MRPS27: variants seen among roughly 807,000 people sequenced by gnomAD.
MRPS27 encodes mitochondrial ribosomal protein S27, also known as small ribosomal subunit protein mS27.
Under a neutral mutation model 48.9 loss-of-function variants are expected in MRPS27, and 43 were observed. The ratio of observed to expected loss-of-function variants is 0.88; its 90% CI spans 0.69 to 1.13. The LOEUF (loss-of-function observed/expected upper bound fraction) is 1.13, where lower values mean the gene tolerates loss of function less well. Among genes scored for constraint, MRPS27 ranks in the 50% most tolerant of loss-of-function variants. The pLI, the probability that MRPS27 is intolerant of heterozygous loss-of-function variation, is 0.00. For missense variants in MRPS27, 467 were observed against 476.3 expected, an observed-to-expected ratio of 0.98 and a Z score of 0.18; for synonymous variants, 188 against 171.9, an observed-to-expected ratio of 1.09 and a Z score of -0.73.
chr5:72,302,359 T>C (rs1157233202), intron 2 of MRPS27, among the ~76,000 whole-genome samples: 1 of 152,146 alleles, frequency 6.6e-6, no homozygotes, highest in Non-Finnish European at 1.5e-5. Flanking sequence ...TCTAATTCCC[T>C]GGGTTTGAGG....
chr5:72,302,376 G>C (rs1489405654), intron 2 of MRPS27, among the ~76,000 whole-genome samples: 2 of 152,142 alleles, frequency 1.3e-5, no homozygotes, highest in South Asian at 4.1e-4. Flanking sequence ...GAGGTAGCAC[G>C]AGAGACTTAA....
intron 4 of MRPS27, among the ~76,000 whole-genome samples, chr5:72,289,951 T>C (rs767163593): frequency 6.6e-6 from 1 of 152,166 alleles, no homozygotes; most frequent in African/African-American, 2.4e-5. Flanking sequence ...ATATCCTCAG[T>C]GAAGATGAGG....
intron 4 of MRPS27, among the ~76,000 whole-genome samples, chr5:72,293,688 T>G (rs533771031): frequency 6.6e-6 from 1 of 152,340 alleles, no homozygotes; most frequent in Non-Finnish European, 1.5e-5. Flanking sequence ...TAAATACTTG[T>G]TGAAATGCTG....
rs140219335 is a variant in MRPS27, at chr5:72,294,294, A to G, written c.281+1237T>C. ...TAAAAAATGCATCTAGAAAAAAACT[A>G]CTCCCCAAAAAACCCCCCAAAACAA... On this transcript the variant is annotated intron_variant, in intron 4 of 10. Transcript: ENST00000261413. Among the ~76,000 whole-genome samples the G allele has an allele frequency of 6.9e-3, 1,044 of 152,124 alleles. 11 individuals are homozygous for G. Among genetic ancestry groups the G allele is most frequent in the African/African-American group, 0.024 (1,001 of 41,500 alleles).
In MRPS27 at chr5:72,320,202, C is replaced by T. The variant is rs375528800; in HGVS notation, c.20G>A (p.Arg7Gln). The change falls in exon 1 of 11, where the codon CGG (arginine) becomes CAG (glutamine). Residue 7 changes from arginine to glutamine, a missense_variant. Physicochemically the swap from Arg to Gln is conservative, Grantham distance 43. Coordinates refer to ENST00000261413, the MANE Select transcript of MRPS27 (RefSeq NM_015084.3). ...TTGCCGCGCCAGGAGCATCCCGCGCCGCACTATGGAGGCAGCCATCTTGGA... is the reference window on the plus strand; with the variant it reads ...TTGCCGCGCCAGGAGCATCCCGCGCTGCACTATGGAGGCAGCCATCTTGGA... MAASIV[R>Q]RGMLLARQVV... 1.2e-6 allele frequency: 2 copies of T among 1,613,788 alleles called. No individual in the cohort carries two copies. Among genetic ancestry groups the T allele is most frequent in the African/African-American group, 1.3e-5 (1 of 74,888 alleles).
intron 4 of MRPS27, chr5:72,241,732 T>C (rs1396773038): frequency 6.6e-7 from 1 of 1,526,036 alleles, no homozygotes; most frequent in South Asian, 1.2e-5. Flanking sequence ...ACTAACACAT[T>C]GATTTTCCAA....
chr5:72,271,663 G>T (rs1453417543), intron 4 of MRPS27, among the ~76,000 whole-genome samples: 1 of 152,056 alleles, frequency 6.6e-6, no homozygotes, highest in Non-Finnish European at 1.5e-5. Context: ...ATTTGAATAT[G>T]GACTGTATTA....
At chr5:72,284,928 C>T (rs1164640912) in intron 4 of MRPS27, among the ~76,000 whole-genome samples, 1 of 152,092 alleles carries the variant, frequency 6.6e-6, no homozygotes, top group Non-Finnish European at 1.5e-5. Flanking sequence ...TTACTTTTTG[C>T]AATGGACATT....
chr5:72,237,854 A>G (rs1020743680), intron 5 of MRPS27, among the ~76,000 whole-genome samples, 160 bp downstream of exon 5: 1 of 152,052 alleles, frequency 6.6e-6, no homozygotes, highest in African/African-American at 2.4e-5. Context: ...TAATTTATTA[A>G]TGAACTTATA....
intron 4 of MRPS27, among the ~76,000 whole-genome samples, chr5:72,279,878 A>G (rs1342702123): frequency 1.3e-5 from 2 of 152,020 alleles, no homozygotes; most frequent in African/African-American, 4.8e-5. Flanking sequence ...TTTTTAATCT[A>G]CCTAAAAAAA....
chr5:72,245,739 A>T (rs1340785104), intron 4 of MRPS27, among the ~76,000 whole-genome samples: 4 of 152,258 alleles, frequency 2.6e-5, no homozygotes, highest in Non-Finnish European at 5.9e-5. Context: ...GGGTAAAAGC[A>T]GAAAAGAATT....
chr5:72,270,617 T>C (rs1749214478), intron 4 of MRPS27, among the ~76,000 whole-genome samples: 1 of 152,176 alleles, frequency 6.6e-6, no homozygotes, highest in South Asian at 2.1e-4. Context: ...TTAAACAAAC[T>C]TTCAGAAAAT....
intron 4 of MRPS27, chr5:72,241,679 T>C: frequency 6.5e-7 from 1 of 1,535,464 alleles, no homozygotes; most frequent in Non-Finnish European, 8.7e-7. Flanking sequence ...TGGATGAGCA[T>C]TCTCCCTTTC....
chr5:72,314,406 G>T (rs1750517075), intron 1 of MRPS27: 8 of 308,426 alleles, frequency 2.6e-5, no homozygotes, highest in Middle Eastern at 2.1e-3. Context: ...AATAAACAGG[G>T]TCTTGCTATA....
intron 5 of MRPS27, among the ~76,000 whole-genome samples, chr5:72,234,560 C>A (rs1001121998): frequency 6.6e-6 from 1 of 152,034 alleles, no homozygotes; most frequent in Non-Finnish European, 1.5e-5. Flanking sequence ...GTATGAATAA[C>A]AATACAAAAA....
chr5:72,267,829 C>T (rs563654687), intron 4 of MRPS27, among the ~76,000 whole-genome samples: 12 of 150,328 alleles, frequency 8.0e-5, no homozygotes, highest in Non-Finnish European at 1.6e-4. Context: ...ATATAGAGGT[C>T]ATTAAGAAAA....
intron 7 of MRPS27, chr5:72,228,711 T>C (rs1013775114): frequency 5.4e-6 from 1 of 186,216 alleles, no homozygotes; most frequent in African/African-American, 2.3e-5. Flanking sequence ...AAATAAAGAG[T>C]ACACTTTAAA....
chr5:72,297,573 AG>A (rs1429263759), intron 3 of MRPS27, 58 bp downstream of exon 3: 38 of 1,055,906 alleles, frequency 3.6e-5, no homozygotes, highest in Non-Finnish European at 5.0e-5. Context: ...ATCTACATGA[AG>A]GGCCTTTCTG....
chr5:72,311,169 G>C (rs1159472752), intron 2 of MRPS27, among the ~76,000 whole-genome samples: 3 of 152,164 alleles, frequency 2.0e-5, no homozygotes, highest in African/African-American at 7.2e-5. Context: ...GAATAGTAAA[G>C]TATTATATTA....
Sources: allele counts gnomAD v4.1 joint callset (sites outside exome capture counted in the v4.1 genomes callset), GRCh38; gene constraint gnomAD v4.1.1; transcripts MANE v1.5; gene names NCBI Gene and HGNC (gene_info 2026-07-23, HGNC 2026-07-21).